The following MTCH2 variants were observed in gnomAD, a reference collection of about 807,000 sequenced individuals.
The protein encoded by MTCH2 is mitochondrial carrier homolog 2.
Under a neutral mutation model 50.6 loss-of-function variants are expected in MTCH2, and 25 were observed. That is an observed-to-expected ratio of 0.49 (90% CI 0.36 to 0.69). The LOEUF (loss-of-function observed/expected upper bound fraction) is 0.69, where lower values mean the gene tolerates loss of function less well. MTCH2 is among the 30% of genes least tolerant of loss of function. The pLI is 0.00. For synonymous variants in MTCH2, 106 were observed against 132.0 expected (o/e 0.80, Z 1.35); for missense variants, 273 against 384.4 (o/e 0.71, Z 2.42).
intron 11 of MTCH2, among the ~76,000 whole-genome samples, 173 bp from the exon 12 acceptor site, chr11:47,622,949 T>C (rs1262806304): frequency 6.6e-6 from 1 of 152,172 alleles, no homozygotes; most frequent in Non-Finnish European, 1.5e-5. Context: ...CAAAAGAGAA[T>C]TCCTCCCCTA....
At chr11:47,626,888 C>T (rs2097298733) in intron 10 of MTCH2, among the ~76,000 whole-genome samples, 192 bp downstream of exon 10, 1 of 152,172 alleles carries the variant, frequency 6.6e-6, no homozygotes, top group Non-Finnish European at 1.5e-5. Flanking sequence ...GCTAGGATTA[C>T]AGGCATGAGC....
chr11:47,609,987 G>T, the MTCH2 span, among the ~76,000 whole-genome samples: 120 of 152,322 alleles, frequency 7.9e-4, 3 homozygotes, highest in South Asian at 0.024. Context: ...AGGGTTTCTA[G>T]CTTGGGGAAT....
the MTCH2 span, among the ~76,000 whole-genome samples, chr11:47,605,841 G>A: frequency 6.6e-6 from 1 of 152,194 alleles, no homozygotes; most frequent in South Asian, 2.1e-4. Flanking sequence ...GAGTAAATAA[G>A]TAACAAATTA....
intron 10 of MTCH2, among the ~76,000 whole-genome samples, 175 bp downstream of exon 10, chr11:47,626,905 G>A (rs963933765): frequency 6.6e-5 from 10 of 152,156 alleles, no homozygotes; most frequent in African/African-American, 1.9e-4. Flanking sequence ...GAGCCATGGC[G>A]CCTGGCCGAA....
At chr11:47,639,391 G>C (rs1316780180) in intron 1 of MTCH2, among the ~76,000 whole-genome samples, 1 of 152,202 alleles carries the variant, frequency 6.6e-6, no homozygotes, top group African/African-American at 2.4e-5. Flanking sequence ...TAAAATCTAA[G>C]GCACATTTTG....
chr11:47,616,281 AAC>A (rs1443336449), downstream of MTCH2, among the ~76,000 whole-genome samples: 1 of 152,110 alleles, frequency 6.6e-6, no homozygotes. Flanking sequence ...ACTCTAGAGG[AAC>A]AGTTTGTGGC....
intron 5 of MTCH2, among the ~76,000 whole-genome samples, chr11:47,632,707 C>CT (rs557119761): frequency 4.1e-5 from 6 of 147,570 alleles, no homozygotes; most frequent in African/African-American, 1.0e-4. Flanking sequence ...TTTTTCTTTT[C>CT]TTTTTTTTTG....
chr11:47,609,849 T>C, the MTCH2 span, among the ~76,000 whole-genome samples: 1 of 152,102 alleles, frequency 6.6e-6, no homozygotes, highest in Admixed American at 6.5e-5. Flanking sequence ...CAGCAACAGC[T>C]GAGCAGAGAT....
downstream of MTCH2, among the ~76,000 whole-genome samples, chr11:47,616,977 C>T (rs1027971006): frequency 2.0e-5 from 3 of 152,178 alleles, no homozygotes. Context: ...AGCCATTGCG[C>T]CCGGTCGCAT....
the MTCH2 span, among the ~76,000 whole-genome samples, chr11:47,606,060 T>C: frequency 1.3e-5 from 2 of 152,352 alleles, no homozygotes; most frequent in African/African-American, 4.8e-5. Flanking sequence ...CCCTGTCCTT[T>C]TCGCCGCAGC....
the MTCH2 span, among the ~76,000 whole-genome samples, chr11:47,608,948 A>ACTC: frequency 8.8e-5 from 9 of 101,902 alleles, no homozygotes; most frequent in Non-Finnish European, 7.7e-5. Context: ...ACAGAGCAAG[A>ACTC]CTCTGTCTCA....
In MTCH2 at chr11:47,642,433, G is replaced by A. The variant is rs774824349; in HGVS notation, c.33C>T (p.Gly11=). The A allele has an allele frequency of 1.1e-5, 18 of 1,608,202 alleles. No individual in the cohort carries two copies. The East Asian group carries it at 3.1e-4, about 28-fold the overall frequency. The stretch of plus-strand genomic sequence containing the variant: ...GCTGGGACAGGATGGTGAGACCGGA[G>A]CCCAGGAGCACCTGACTGGCCGCGT... The part of the protein sequence containing the change: MADAASQVLL[G]SGLTILSQPL... The change falls in exon 1 of 13, where the codon GGC becomes GGT. Residue 11 remains glycine, a synonymous_variant. Transcript: ENST00000302503.
chr11:47,621,635 G>A (rs2097293332), intron 12 of MTCH2, among the ~76,000 whole-genome samples: 1 of 152,022 alleles, frequency 6.6e-6, no homozygotes, highest in Non-Finnish European at 1.5e-5. Context: ...GGGTTTCACT[G>A]CGTTGCCCAG....
chr11:47,633,414 C>T (rs1483429096), intron 5 of MTCH2, among the ~76,000 whole-genome samples: 1 of 145,300 alleles, frequency 6.9e-6, no homozygotes, highest in Admixed American at 7.1e-5. Flanking sequence ...CCGGCCGTAT[C>T]CCTGCTTTTA....
intron 3 of MTCH2, 135 bp downstream of exon 3, chr11:47,638,564 A>AG: frequency 1.5e-6 from 1 of 671,024 alleles, no homozygotes; most frequent in African/African-American, 1.9e-5. Context: ...AAAAAAAAAA[A>AG]AAGAAAGTGT....
Position 47,629,346 on chromosome 11 carries a change from T to C in MTCH2, c.540-300A>G, listed in dbSNP as rs2097300896. On this transcript the variant is annotated intron_variant, in intron 8 of 12. Transcript: ENST00000302503. ...GGGAGGCAAAAGATTTGCGAGGTGCTTTGCAGAAGAGACTTAAATATTGTT... is the reference window on the plus strand; with the variant it reads ...GGGAGGCAAAAGATTTGCGAGGTGCCTTGCAGAAGAGACTTAAATATTGTT... 5 of 324,842 alleles carry C rather than the reference T, an allele frequency of 1.5e-5. No individual in the cohort carries two copies. In the South Asian group the frequency reaches 1.9e-4, roughly 12 times the overall value. 20.1% of individuals were successfully genotyped at this position (324,842 alleles called of 1,614,324 possible). A position where few individuals can be genotyped will look rare whatever the true frequency, so the allele number is the denominator to read the frequency against.
the MTCH2 span, among the ~76,000 whole-genome samples, chr11:47,610,700 G>A: frequency 1.4e-4 from 21 of 152,114 alleles, no homozygotes; most frequent in Non-Finnish European, 2.2e-4. Context: ...GCAAAACTCC[G>A]TCTCAAAAAG....
intron 9 of MTCH2, among the ~76,000 whole-genome samples, chr11:47,628,010 T>C (rs1231723496): frequency 1.3e-5 from 2 of 152,218 alleles, no homozygotes; most frequent in African/African-American, 4.8e-5. Flanking sequence ...ATTTATAGTA[T>C]ATCTAAGGGA....
chr11:47,612,625 A>G (rs574465805), downstream of MTCH2, among the ~76,000 whole-genome samples: 1 of 150,718 alleles, frequency 6.6e-6, no homozygotes, highest in African/African-American at 2.4e-5. Context: ...TGGGAGGCTG[A>G]GGTGGGAGAA....
Sources: allele counts gnomAD v4.1 joint callset (sites outside exome capture counted in the v4.1 genomes callset), GRCh38; gene constraint gnomAD v4.1.1; transcripts MANE v1.5; gene names NCBI Gene and HGNC (gene_info 2026-07-23, HGNC 2026-07-21).